SGMS2: variants seen among roughly 807,000 people sequenced by gnomAD.
The protein encoded by SGMS2 is sphingomyelin synthase 2, also known as phosphatidylcholine:ceramide cholinephosphotransferase 2.
In SGMS2, 21 loss-of-function variants were observed where a neutral mutation model predicts 43.8. The observed-to-expected ratio is 0.48, with a 90% CI of 0.34 to 0.69. SGMS2 has a LOEUF of 0.69. Among genes scored for constraint, SGMS2 ranks in the 30% least tolerant of loss-of-function variants. The probability of loss-of-function intolerance (pLI) is 0.01; values close to 1 mark genes in which losing one functional copy is unlikely to be tolerated. For synonymous variants in SGMS2, 167 were observed against 160.6 expected (o/e 1.04, Z -0.30); for missense variants, 384 against 443.2 (o/e 0.87, Z 1.20).
intron 2 of SGMS2, among the ~76,000 whole-genome samples, chr4:107,878,076 C>T (rs553241314): frequency 4.0e-4 from 61 of 151,894 alleles, no homozygotes; most frequent in African/African-American, 1.4e-3. Context: ...CCACCATGCC[C>T]GGCTAACTTT....
In SGMS2 at chr4:107,886,204, T is replaced by G. The variant is rs532280943; in HGVS notation, c.-244-9106T>G. Among the ~76,000 whole-genome samples the G allele has an allele frequency of 9.2e-4, 140 of 151,874 alleles. 1 individual carries two copies. Among genetic ancestry groups the G allele is most frequent in the African/African-American group, 3.0e-3 (125 of 41,450 alleles). On this transcript the variant is annotated intron_variant, in intron 2 of 6. Transcript: ENST00000690982. The stretch of plus-strand genomic sequence containing the variant: ...CTAATACAGCACCTTTGTTGTTGTT[T>G]TTTTTTTTTCTTGGAGACAGGGTCT...
chr4:107,911,958 A>G lies in SGMS2; in HGVS notation c.*1405A>G, dbSNP rs995056512. The G allele has an allele frequency of 2.0e-5, 3 of 152,244 alleles. No individual in the cohort carries two copies. The highest frequency in any genetic ancestry group is 4.4e-5 in the Non-Finnish European group (3 of 68,040). 9.4% of individuals were successfully genotyped at this position (152,244 alleles called of 1,614,324 possible). A position where few individuals can be genotyped will look rare whatever the true frequency, so the allele number is the denominator to read the frequency against. On this transcript the variant is annotated 3_prime_UTR_variant, in exon 7 of 7. Coordinates refer to ENST00000690982, the MANE Select transcript of SGMS2 (RefSeq NM_001375905.1). ...AACCTTAGAAAAGTTTTAAGGTTGC[A>G]AAGTTATCAACACTGGGGCAGAGGG...
At chr4:107,858,184 A>G (rs1386895418) in intron 1 of SGMS2, among the ~76,000 whole-genome samples, 1 of 152,232 alleles carries the variant, frequency 6.6e-6, no homozygotes, top group Non-Finnish European at 1.5e-5. Flanking sequence ...GAACGCGAAC[A>G]TCAGGAGGCA....
chr4:107,872,077 T>C (rs1024355398), intron 2 of SGMS2, among the ~76,000 whole-genome samples: 7 of 152,176 alleles, frequency 4.6e-5, no homozygotes, highest in African/African-American at 1.7e-4. Flanking sequence ...TGAGTAAGTA[T>C]GGGAGCATCT....
chr4:107,865,223 A>G (rs1262498888), intron 2 of SGMS2, among the ~76,000 whole-genome samples: 1 of 152,200 alleles, frequency 6.6e-6, no homozygotes, highest in African/African-American at 2.4e-5. Flanking sequence ...TATCTGGCTT[A>G]GGAGTGTATG....
rs1215197738 is a variant in SGMS2, at chr4:107,825,043, C to G, written c.-537C>G. The G allele has an allele frequency of 6.6e-6, 1 of 151,984 alleles. No homozygotes were observed. The highest frequency in any genetic ancestry group is 1.5e-5 in the Non-Finnish European group (1 of 68,040). The allele number at this position is 151,984 out of a possible 1,614,324, so 9.4% of individuals were successfully genotyped here. On this transcript the variant is annotated 5_prime_UTR_variant, in exon 1 of 7. Coordinates refer to ENST00000690982, the MANE Select transcript of SGMS2 (RefSeq NM_001375905.1). ...AGTGCGGCCTCGGGGGCGGCGGCCG[C>G]GGGAGGGACCCGGAGAGCTGCTTCC...
intron 5 of SGMS2, among the ~76,000 whole-genome samples, chr4:107,905,855 C>T (rs142749425): frequency 3.7e-4 from 57 of 152,272 alleles, no homozygotes; most frequent in African/African-American, 1.3e-3. Flanking sequence ...TTAATGAAGG[C>T]CTCTCAGTAT....
rs1321285849 is a variant in SGMS2, at chr4:107,910,508, T to C, written c.1053T>C (p.Tyr351=). The part of the protein sequence containing the change: ...PGCFKSSCKK[Y]SRVQKIGEDN... Reference sequence around the variant, plus strand: ...GCTTCAAATCATCATGCAAAAAGTATTCACGGGTTCAGAAGATTGGTGAAG... The same window carrying C: ...GCTTCAAATCATCATGCAAAAAGTACTCACGGGTTCAGAAGATTGGTGAAG... The change falls in exon 7 of 7, where the codon TAT becomes TAC. Residue 351 remains tyrosine, a synonymous_variant. Coordinates refer to ENST00000690982, the MANE Select transcript of SGMS2 (RefSeq NM_001375905.1). 1.2e-6 allele frequency: 2 copies of C among 1,614,030 alleles called. No homozygotes were observed. The highest frequency in any genetic ancestry group is 8.5e-7 in the Non-Finnish European group (1 of 1,179,966).
Position 107,858,121 on chromosome 4 carries a change from T to G in SGMS2, c.-326-351T>G, listed in dbSNP as rs78063935. ...CAGCCTTGCCCTGACTCTGACTGACTTTTTTGAGTGACATTGACTGGTCTT... is the reference window on the plus strand; with the variant it reads ...CAGCCTTGCCCTGACTCTGACTGACGTTTTTGAGTGACATTGACTGGTCTT... On this transcript the variant is annotated intron_variant, in intron 1 of 6. Coordinates refer to ENST00000690982, the MANE Select transcript of SGMS2 (RefSeq NM_001375905.1). Among the ~76,000 whole-genome samples the G allele has an allele frequency of 2.1e-4, 32 of 151,796 alleles. No individual in the cohort carries two copies. The East Asian group carries it at 6.3e-3, about 30-fold the overall frequency.
At position 107,895,711 on chromosome 4, in the gene SGMS2, C is replaced by G; in HGVS notation, c.158C>G (p.Thr53Ser). The change falls in exon 3 of 7, where the codon ACC becomes AGC. Residue 53 changes from threonine (T) to serine (S), a missense_variant. By Grantham distance (58) the Thr-to-Ser change is moderately conservative (BLOSUM62 1). Transcript: ENST00000690982. ...KSLSSGLRKG[T>S]KKYPDYIQIA... ...TTATCCAGTGGGCTGCGAAAAGGCACCAAAAAGTACCCGGACTATATCCAA... is the reference window on the plus strand; with the variant it reads ...TTATCCAGTGGGCTGCGAAAAGGCAGCAAAAAGTACCCGGACTATATCCAA... 1 of 1,613,934 alleles carries G rather than the reference C, an allele frequency of 6.2e-7. No homozygotes were observed.
At chr4:107,898,369 A>G (rs191320153) in intron 3 of SGMS2, among the ~76,000 whole-genome samples, 9 of 152,278 alleles carry the variant, frequency 5.9e-5, no homozygotes, top group Admixed American at 4.6e-4. Context: ...GAAGTTCCAA[A>G]TGTTATCTGA....
At chr4:107,908,825 A>C (rs2126162030) in intron 6 of SGMS2, 94 bp downstream of exon 6, 1 of 1,103,888 alleles carries the variant, frequency 9.1e-7, no homozygotes, top group East Asian at 2.4e-5. Context: ...AATGGGGATA[A>C]CCGATGTTGC....
chr4:107,872,487 G>A (rs1225238421), intron 2 of SGMS2, among the ~76,000 whole-genome samples: 1 of 152,024 alleles, frequency 6.6e-6, no homozygotes, highest in African/African-American at 2.4e-5. Flanking sequence ...TACATAGTTG[G>A]CACTCACTAA....
chr4:107,898,871 A>G (rs1454144759), intron 3 of SGMS2, among the ~76,000 whole-genome samples: 1 of 152,060 alleles, frequency 6.6e-6, no homozygotes, highest in Non-Finnish European at 1.5e-5. Context: ...GACTTGTGGG[A>G]TTTTTTTATC....
chr4:107,844,444 G>A (rs2126003669), intron 1 of SGMS2, among the ~76,000 whole-genome samples: 1 of 151,288 alleles, frequency 6.6e-6, no homozygotes, highest in East Asian at 2.0e-4. Context: ...GCTCACACCT[G>A]TAACCCCAGC....
chr4:107,865,919 A>G (rs775925250), intron 2 of SGMS2, among the ~76,000 whole-genome samples: 1 of 152,084 alleles, frequency 6.6e-6, no homozygotes, highest in Non-Finnish European at 1.5e-5. Context: ...TGACTGTGTG[A>G]TTGCCACAAG....
Position 107,911,438 on chromosome 4 carries a change from T to C in SGMS2, c.*885T>C, listed in dbSNP as rs746358465. On this transcript the variant is annotated 3_prime_UTR_variant, in exon 7 of 7. Coordinates refer to ENST00000690982, the MANE Select transcript of SGMS2 (RefSeq NM_001375905.1). ...GTGTGTCAACTGAGGTTCACACCAC[T>C]TGGGGAATGAGCCTGTTTTCTTTCC... 1 of 152,204 alleles carries C rather than the reference T, an allele frequency of 6.6e-6. No homozygotes were observed. Among genetic ancestry groups the C allele is most frequent in the Non-Finnish European group, 1.5e-5 (1 of 68,026 alleles). 9.4% of individuals were successfully genotyped at this position (152,204 alleles called of 1,614,324 possible).
intron 2 of SGMS2, among the ~76,000 whole-genome samples, chr4:107,880,841 G>C (rs1237834024): frequency 7.6e-6 from 1 of 131,582 alleles, no homozygotes; most frequent in Non-Finnish European, 1.6e-5. Context: ...GTGACATAGC[G>C]AGACTGTCTC....
At chr4:107,899,040 G>A (rs953837555) in intron 3 of SGMS2, among the ~76,000 whole-genome samples, 1 of 152,144 alleles carries the variant, frequency 6.6e-6, no homozygotes, top group Non-Finnish European at 1.5e-5. Context: ...AATACCTTCA[G>A]ATGGTCCTCA....
Sources: gnomAD v4.1 joint callset for allele counts (sites outside exome capture counted in the v4.1 genomes callset) on GRCh38, gnomAD v4.1.1 for gene constraint, MANE v1.5 for transcripts, NCBI Gene and HGNC (gene_info 2026-07-23, HGNC 2026-07-21) for gene names.